Variants in ARMC2 observed in about 807,000 individuals in gnomAD.
ARMC2 encodes the protein armadillo repeat containing 2.
In ARMC2, 67 loss-of-function variants were observed where a neutral mutation model predicts 90.3. The ratio of observed to expected loss-of-function variants is 0.74; its 90% CI spans 0.61 to 0.91. The LOEUF is 0.91. Among genes scored for constraint, ARMC2 ranks in the 40% least tolerant of loss-of-function variants. ARMC2 has a pLI of 0.00. For synonymous variants in ARMC2, 393 were observed against 393.0 expected, an observed-to-expected ratio of 1.00 and a Z score of 0.00; for missense variants, 920 against 1,030.9, an observed-to-expected ratio of 0.89 and a Z score of 1.47.
At chr6:108,930,921 T>G (rs1001739587) in intron 11 of ARMC2, among the ~76,000 whole-genome samples, 1 of 149,958 alleles carries the variant, frequency 6.7e-6, no homozygotes, top group Non-Finnish European at 1.5e-5. Context: ...TTTTTTTAAC[T>G]TTTATTTTAG....
chr6:108,981,370 T>C, the ARMC2 span, among the ~76,000 whole-genome samples: 2 of 152,182 alleles, frequency 1.3e-5, no homozygotes, highest in Non-Finnish European at 2.9e-5. Context: ...CCATTTTAAG[T>C]GTACAGTTCA....
At chr6:109,046,317 G>A in the ARMC2 span, among the ~76,000 whole-genome samples, 64 of 151,822 alleles carry the variant, frequency 4.2e-4, no homozygotes, top group African/African-American at 1.4e-3. Context: ...GCCCCTAACC[G>A]CGAGTGATCC....
intron 11 of ARMC2, among the ~76,000 whole-genome samples, chr6:108,935,197 A>G (rs1775861851): frequency 6.6e-6 from 1 of 152,020 alleles, no homozygotes; most frequent in Non-Finnish European, 1.5e-5. Context: ...GTCTTGCAAA[A>G]TCTTTCCTAT....
chr6:108,894,345 G>A, intron 5 of ARMC2, 122 bp from the exon 6 acceptor site: 2 of 807,190 alleles, frequency 2.5e-6, no homozygotes, highest in Non-Finnish European at 3.7e-6. Context: ...CTCTAGCCTG[G>A]ATGACAGAGT....
the ARMC2 span, among the ~76,000 whole-genome samples, chr6:108,979,953 A>C: frequency 6.6e-6 from 1 of 151,924 alleles, no homozygotes; most frequent in African/African-American, 2.4e-5. Context: ...TTTAGCTCGG[A>C]GGAGTATGTT....
the ARMC2 span, among the ~76,000 whole-genome samples, chr6:109,049,926 T>G: frequency 6.6e-6 from 1 of 152,052 alleles, no homozygotes; most frequent in Admixed American, 6.6e-5. Context: ...TGTCTGACTT[T>G]GGTTTGAAAC....
At chr6:108,878,449 C>T (rs766492091) in intron 5 of ARMC2, among the ~76,000 whole-genome samples, 10 of 152,224 alleles carry the variant, frequency 6.6e-5, no homozygotes, top group Non-Finnish European at 1.2e-4. Context: ...AGTGTGACAG[C>T]GGTCACCTGT....
chr6:108,848,723 T>C (rs1052587005), intron 1 of ARMC2, 177 bp downstream of exon 1: 13 of 152,514 alleles, frequency 8.5e-5, no homozygotes, highest in African/African-American at 2.9e-4. Flanking sequence ...AGTGGGAGGG[T>C]GGCCGGGCGG....
intron 8 of ARMC2, chr6:108,907,851 T>C: frequency 6.2e-7 from 1 of 1,611,152 alleles, no homozygotes; most frequent in Admixed American, 1.7e-5. Flanking sequence ...TTCTTGTCCT[T>C]CACTGGTACA....
the ARMC2 span, among the ~76,000 whole-genome samples, chr6:109,047,839 G>A: frequency 6.8e-6 from 1 of 146,322 alleles, no homozygotes; most frequent in Non-Finnish European, 1.5e-5. Context: ...TCCACTCAGG[G>A]TTAAATGGAT....
At chr6:109,033,777 C>T in the ARMC2 span, among the ~76,000 whole-genome samples, 2 of 152,114 alleles carry the variant, frequency 1.3e-5, no homozygotes, top group South Asian at 2.1e-4. Context: ...TTCAGGTTGC[C>T]ATCTGGACAG....
chr6:108,990,292 G>A, the ARMC2 span, among the ~76,000 whole-genome samples: 1 of 152,174 alleles, frequency 6.6e-6, no homozygotes, highest in Non-Finnish European at 1.5e-5. Flanking sequence ...TTTCCAAGGA[G>A]GTAGAAACAT....
chr6:108,874,184 G>A (rs1023856624), intron 4 of ARMC2, among the ~76,000 whole-genome samples: 2 of 152,108 alleles, frequency 1.3e-5, no homozygotes, highest in Non-Finnish European at 2.9e-5. Flanking sequence ...ATGAGAGTGA[G>A]CCCCCCAGGG....
chr6:108,976,932 G>A (rs112483590), downstream of ARMC2, among the ~76,000 whole-genome samples: 15,285 of 152,132 alleles, frequency 0.1, 911 homozygotes, highest in Middle Eastern at 0.19. Flanking sequence ...TAAATATACA[G>A]TCATACCATC....
At chr6:109,023,576 G>C in the ARMC2 span, among the ~76,000 whole-genome samples, 2 of 152,208 alleles carry the variant, frequency 1.3e-5, no homozygotes, top group East Asian at 3.9e-4. Context: ...TTCTGTCCCA[G>C]GTGCAAGGAT....
the ARMC2 span, chr6:108,994,477 A>G: frequency 1.2e-6 from 2 of 1,612,574 alleles, no homozygotes; most frequent in Non-Finnish European, 8.5e-7. Context: ...GAGAAGACAA[A>G]CATACTCTCT....
chr6:108,869,498 C>G (rs957985283), intron 4 of ARMC2, among the ~76,000 whole-genome samples: 1 of 152,030 alleles, frequency 6.6e-6, no homozygotes, highest in Non-Finnish European at 1.5e-5. Flanking sequence ...ACGAGCAAGA[C>G]TGTCTCAACA....
chr6:108,899,373 G>T (rs1771904445), intron 6 of ARMC2, among the ~76,000 whole-genome samples: 1 of 151,954 alleles, frequency 6.6e-6, no homozygotes, highest in Non-Finnish European at 1.5e-5. Context: ...ACATTACAGA[G>T]GGATAAGTTT....
chr6:108,960,207 C>G (rs1362640219), intron 13 of ARMC2, among the ~76,000 whole-genome samples: 1 of 152,054 alleles, frequency 6.6e-6, no homozygotes, highest in Non-Finnish European at 1.5e-5. Flanking sequence ...TTATGTGCAC[C>G]GGCGGGGGAC....
Sources: gnomAD v4.1 joint callset for allele counts (sites outside exome capture counted in the v4.1 genomes callset) on GRCh38, gnomAD v4.1.1 for gene constraint, MANE v1.5 for transcripts, NCBI Gene and HGNC (gene_info 2026-07-23, HGNC 2026-07-21) for gene names.